ENO4: variants seen among roughly 807,000 people sequenced by gnomAD.
ENO4 encodes the protein 2-phospho-D-glycerate hydro-lyase.
ENO4 carries 53 observed loss-of-function variants against 63.2 expected under a neutral mutation model. That is an observed-to-expected ratio of 0.84 (90% CI 0.67 to 1.05). The LOEUF is 1.05. ENO4 is among the 50% of genes least tolerant of loss of function. The probability of loss-of-function intolerance (pLI) is 0.00; values close to 1 mark genes in which losing one functional copy is unlikely to be tolerated. For missense variants in ENO4, 719 were observed against 772.0 expected, an observed-to-expected ratio of 0.93 and a Z score of 0.81; for synonymous variants, 266 against 283.8, an observed-to-expected ratio of 0.94 and a Z score of 0.63.
At chr10:116,899,506 GGTGTGTGTGTGTGTGTGTGT>G (rs370396879) in intron 10 of ENO4, among the ~76,000 whole-genome samples, 2 of 124,582 alleles carry the variant, frequency 1.6e-5, no homozygotes, top group Admixed American at 8.7e-5. Context: ...GGCTGGGGCT[GGTGTGTGTGTGTGTGTGTGT>G]GTGTGTGTGT....
intron 10 of ENO4, among the ~76,000 whole-genome samples, chr10:116,887,605 C>A (rs1335006905): frequency 6.6e-6 from 1 of 152,170 alleles, no homozygotes; most frequent in Non-Finnish European, 1.5e-5. Context: ...TATTCTCTGA[C>A]CCCTTCAGCA....
At chr10:116,879,425 G>C (rs1846934518) in intron 12 of ENO4, 67 bp downstream of exon 12, 4 of 1,231,980 alleles carry the variant, frequency 3.2e-6, no homozygotes, top group Non-Finnish European at 4.6e-6. Context: ...TCAGAGAAAT[G>C]CAGTCTCTGG....
intron 10 of ENO4, among the ~76,000 whole-genome samples, chr10:116,902,154 C>G (rs1001055131): frequency 1.3e-5 from 2 of 152,150 alleles, no homozygotes; most frequent in Admixed American, 1.3e-4. Flanking sequence ...CTACCAGGAC[C>G]ACGCTGAGAA....
downstream of ENO4, chr10:116,885,290 G>C (rs1256884281): frequency 6.6e-6 from 1 of 152,278 alleles, no homozygotes; most frequent in Non-Finnish European, 1.5e-5. Flanking sequence ...GTGCATTCAA[G>C]TACATTACCA....
chr10:116,869,541 GAGAGA>G (rs918249269), intron 8 of ENO4, among the ~76,000 whole-genome samples: 17 of 152,314 alleles, frequency 1.1e-4, no homozygotes, highest in South Asian at 8.3e-4. Context: ...AAGATCAGGA[GAGAGA>G]AGAGAAATGT....
intron 10 of ENO4, among the ~76,000 whole-genome samples, chr10:116,908,767 G>C (rs1372255298): frequency 6.6e-6 from 1 of 151,896 alleles, no homozygotes; most frequent in Non-Finnish European, 1.5e-5. Context: ...TTTTTTATTT[G>C]GATAATGGCA....
intron 10 of ENO4, among the ~76,000 whole-genome samples, chr10:116,892,716 G>C (rs969582707): frequency 6.6e-6 from 1 of 152,080 alleles, no homozygotes; most frequent in African/African-American, 2.4e-5. Context: ...ATATAATAAA[G>C]AATATTACAA....
chr10:116,877,505 A>G (rs1175670031), intron 11 of ENO4, among the ~76,000 whole-genome samples: 1 of 152,186 alleles, frequency 6.6e-6, no homozygotes, highest in South Asian at 2.1e-4. Flanking sequence ...AGGCAACAAG[A>G]TCAGATTAGA....
At chr10:116,890,923 G>A (rs1847324271) in intron 10 of ENO4, among the ~76,000 whole-genome samples, 1 of 152,226 alleles carries the variant, frequency 6.6e-6, no homozygotes, top group African/African-American at 2.4e-5. Context: ...GACATCGTTT[G>A]CATTCAATGA....
At chr10:116,875,631 T>A (rs1435832214) in intron 10 of ENO4, among the ~76,000 whole-genome samples, 1 of 151,672 alleles carries the variant, frequency 6.6e-6, no homozygotes, top group African/African-American at 2.4e-5. Flanking sequence ...TTTCATTTCA[T>A]ATGATAGTCT....
At chr10:116,853,075 C>T (rs1167435439) in intron 1 of ENO4, among the ~76,000 whole-genome samples, 1 of 152,056 alleles carries the variant, frequency 6.6e-6, no homozygotes, top group Non-Finnish European at 1.5e-5. Context: ...GCGGGCGGAT[C>T]ACAAGGTCAG....
intron 10 of ENO4, among the ~76,000 whole-genome samples, chr10:116,875,417 C>T (rs1282019228): frequency 6.6e-6 from 1 of 152,132 alleles, no homozygotes; most frequent in Admixed American, 6.5e-5. Flanking sequence ...CTGATCACAG[C>T]TCACTGCAGC....
chr10:116,860,104 G>A (rs781247524), intron 4 of ENO4, among the ~76,000 whole-genome samples: 13 of 152,214 alleles, frequency 8.5e-5, no homozygotes, highest in South Asian at 2.1e-4. Context: ...CTCATTAAGC[G>A]TGAGGTGCTG....
At chr10:116,911,932 C>A, downstream of ENO4, 1 of 930,736 alleles carries the variant, frequency 1.1e-6, no homozygotes, top group Non-Finnish European at 1.8e-6. Context: ...TATTAGTAGC[C>A]TTATATTGGT....
intron 10 of ENO4, chr10:116,906,590 T>C: frequency 6.4e-7 from 1 of 1,559,206 alleles, no homozygotes; most frequent in East Asian, 2.3e-5. Flanking sequence ...GTTTCAGAGA[T>C]GAAGAGAAGG....
chr10:116,901,828 G>A, intron 10 of ENO4: 1 of 1,603,886 alleles, frequency 6.2e-7, no homozygotes, highest in South Asian at 1.1e-5. Flanking sequence ...TGGCTCAGGT[G>A]TTGGGGGGGA....
chr10:116,871,824 G>A (rs1292613640), intron 9 of ENO4, among the ~76,000 whole-genome samples: 1 of 152,202 alleles, frequency 6.6e-6, no homozygotes, highest in Non-Finnish European at 1.5e-5. Context: ...GAGCTTTAGT[G>A]ATGTGACGAG....
downstream of ENO4, chr10:116,883,382 A>G (rs1847078436): frequency 6.6e-6 from 1 of 152,178 alleles, no homozygotes; most frequent in African/African-American, 2.4e-5. Context: ...GGATAGGGAC[A>G]TGTTAGTGCT....
Position 116,855,835 on chromosome 10 carries a change from T to C in ENO4, c.294+84T>C, listed in dbSNP as rs369876755. On this transcript the variant is annotated intron_variant, in intron 2 of 13. Coordinates refer to ENST00000341276, the MANE Select transcript of ENO4 (RefSeq NM_001242699.2). The stretch of plus-strand genomic sequence containing the variant: ...CACTTGTCTAAGCTGTAGAAAATTA[T>C]TGTTTTGAAATTCAGTGTTTGTGAA... 494 of 1,390,338 alleles carry C rather than the reference T, an allele frequency of 3.6e-4. 4 individuals carry two copies. In the South Asian group the frequency reaches 5.0e-3, roughly 14 times the overall value. 86.1% of individuals were successfully genotyped at this position (1,390,338 alleles called of 1,614,324 possible).
Sources: allele counts gnomAD v4.1 joint callset (sites outside exome capture counted in the v4.1 genomes callset), GRCh38; gene constraint gnomAD v4.1.1; transcripts MANE v1.5; gene names NCBI Gene and HGNC (gene_info 2026-07-23, HGNC 2026-07-21).